RAB3IL1: variants seen among roughly 807,000 people sequenced by gnomAD.
RAB3IL1 encodes the protein guanine nucleotide exchange factor for Rab-3A.
In RAB3IL1, 37 loss-of-function variants were observed where a neutral mutation model predicts 49.2. That is an observed-to-expected ratio of 0.75 (90% CI 0.58 to 0.99). The LOEUF (loss-of-function observed/expected upper bound fraction) is 0.99, where lower values mean the gene tolerates loss of function less well. Among genes scored for constraint, RAB3IL1 ranks in the 50% least tolerant of loss-of-function variants. The pLI, the probability that RAB3IL1 is intolerant of heterozygous loss-of-function variation, is 0.00. For synonymous variants in RAB3IL1, 193 were observed against 213.9 expected (o/e 0.90, Z 0.85); for missense variants, 484 against 513.0 (o/e 0.94, Z 0.55).
At chr11:61,920,371 T>G, upstream of RAB3IL1, 1 of 796,908 alleles carries the variant, frequency 1.3e-6, no homozygotes, top group East Asian at 3.4e-5. Flanking sequence ...CCCGTAATTA[T>G]TAACTCCTGT....
At position 61,906,738 on chromosome 11, in the gene RAB3IL1, C is replaced by T; in HGVS notation, c.439-54G>A. ...TCACCCAGACTGGATGCCATCCTGG[C>T]TGCCACCGCCTATCAGCCTAACTCA... is the stretch of plus-strand genomic sequence containing the variant. On this transcript the variant is annotated intron_variant, in intron 4 of 9. Coordinates refer to ENST00000394836, the MANE Select transcript of RAB3IL1 (RefSeq NM_013401.4). This position sits in a 1 kb window ranked among gnomAD's most constrained non-coding sequence, Gnocchi z 4.6. The T allele has an allele frequency of 1.3e-6, 2 of 1,494,138 alleles. No homozygotes were observed. The highest frequency in any genetic ancestry group is 1.7e-4 in the Middle Eastern group (1 of 5,740). The allele number at this position is 1,494,138 out of a possible 1,614,324, so 92.6% of individuals were successfully genotyped here.
intron 8 of RAB3IL1, chr11:61,899,691 A>G (rs1938806087): frequency 2.8e-6 from 1 of 360,900 alleles, no homozygotes; most frequent in Non-Finnish European, 5.3e-6. Context: ...CATCACGGAG[A>G]TGGCGGAGCT....
At chr11:61,930,181 C>T in the RAB3IL1 span, among the ~76,000 whole-genome samples, 22 of 152,082 alleles carry the variant, frequency 1.4e-4, no homozygotes, top group Admixed American at 1.2e-3. Flanking sequence ...CAGGCATGAG[C>T]CACCACTCCC....
upstream of RAB3IL1, among the ~76,000 whole-genome samples, chr11:61,921,968 C>T (rs113779436): frequency 3.3e-5 from 5 of 151,872 alleles, no homozygotes; most frequent in African/African-American, 1.2e-4. Context: ...GTGGGAGGAT[C>T]GCTTGAGCCC....
chr11:61,897,993 C>T lies in RAB3IL1; in HGVS notation c.*285G>A, dbSNP rs953578635. On this transcript the variant is annotated 3_prime_UTR_variant, in exon 10 of 10. Coordinates refer to ENST00000394836, the MANE Select transcript of RAB3IL1 (RefSeq NM_013401.4). Reference sequence around the variant, plus strand: ...TCCCCTCCCAAGGGCTGAGGCCCCCCGAGTATGGATCCGAGCTCCCTGGTC... The same window carrying T: ...TCCCCTCCCAAGGGCTGAGGCCCCCTGAGTATGGATCCGAGCTCCCTGGTC... The T allele has an allele frequency of 3.0e-5, 12 of 403,068 alleles. No homozygotes were observed. The highest frequency in any genetic ancestry group is 1.2e-4 in the African/African-American group (6 of 48,206). The allele number at this position is 403,068 out of a possible 1,614,324, so 25.0% of individuals were successfully genotyped here.
chr11:61,943,895 G>C, the RAB3IL1 span, among the ~76,000 whole-genome samples: 1 of 152,172 alleles, frequency 6.6e-6, no homozygotes, highest in Non-Finnish European at 1.5e-5. Context: ...AAAAAGACTG[G>C]AAGGAAATAC....
intron 7 of RAB3IL1, among the ~76,000 whole-genome samples, chr11:61,903,566 C>A (rs1037751511): frequency 2.0e-5 from 3 of 151,844 alleles, no homozygotes; most frequent in African/African-American, 7.3e-5. Context: ...CTCTGTCACC[C>A]AGACTGGAGT....
At chr11:61,926,744 G>A in the RAB3IL1 span, among the ~76,000 whole-genome samples, 1 of 151,856 alleles carries the variant, frequency 6.6e-6, no homozygotes, top group South Asian at 2.1e-4. Flanking sequence ...AGTAGAGATG[G>A]GGGTTTCACC....
At chr11:61,930,750 C>T in the RAB3IL1 span, among the ~76,000 whole-genome samples, 108 of 152,246 alleles carry the variant, frequency 7.1e-4, no homozygotes, top group African/African-American at 2.4e-3. Flanking sequence ...TGCACTCAGT[C>T]TGGGCAACAC....
the RAB3IL1 span, among the ~76,000 whole-genome samples, chr11:61,938,494 A>G: frequency 3.8e-4 from 58 of 152,362 alleles, no homozygotes; most frequent in African/African-American, 1.4e-3. Flanking sequence ...AGGGACAAAG[A>G]GAAACATTTT....
intron 5 of RAB3IL1, among the ~76,000 whole-genome samples, chr11:61,905,833 C>T (rs1251819344): frequency 6.6e-6 from 1 of 152,114 alleles, no homozygotes; most frequent in Non-Finnish European, 1.5e-5. Flanking sequence ...TCCAGCAGCC[C>T]CGGGAGGCCC....
chr11:61,916,444 A>G (rs991593712), intron 1 of RAB3IL1, among the ~76,000 whole-genome samples: 1 of 152,000 alleles, frequency 6.6e-6, no homozygotes, highest in Admixed American at 6.5e-5. Flanking sequence ...TCCCTCCCCT[A>G]GCATCGCAGC....
At chr11:61,900,933 T>C (rs991440392) in intron 8 of RAB3IL1, among the ~76,000 whole-genome samples, 14 of 151,592 alleles carry the variant, frequency 9.2e-5, no homozygotes, top group Admixed American at 8.6e-4. Flanking sequence ...CAAGGCTCAG[T>C]GGGCACAAAT....
chr11:61,909,095 G>A (rs537645158), intron 1 of RAB3IL1, among the ~76,000 whole-genome samples: 2 of 152,334 alleles, frequency 1.3e-5, no homozygotes, highest in African/African-American at 2.4e-5. Flanking sequence ...CCCGGCCAGC[G>A]GTGTTTTGTG....
chr11:61,916,358 A>G (rs1939687093), intron 1 of RAB3IL1, among the ~76,000 whole-genome samples: 1 of 151,476 alleles, frequency 6.6e-6, no homozygotes, highest in Non-Finnish European at 1.5e-5. Context: ...AAAAAAAAAA[A>G]GTCCCAAGCC....
At chr11:61,941,983 G>GGC in the RAB3IL1 span, among the ~76,000 whole-genome samples, 1 of 152,078 alleles carries the variant, frequency 6.6e-6, no homozygotes, top group East Asian at 1.9e-4. Context: ...GGCCTAGGCG[G>GGC]GCAGATCACT....
chr11:61,928,994 C>T, the RAB3IL1 span, among the ~76,000 whole-genome samples: 64 of 152,142 alleles, frequency 4.2e-4, no homozygotes, highest in Non-Finnish European at 8.1e-4. Flanking sequence ...AAAGAACACA[C>T]ACAAAATTTA....
chr11:61,921,768 C>A (rs536914259), upstream of RAB3IL1, among the ~76,000 whole-genome samples: 5 of 152,284 alleles, frequency 3.3e-5, no homozygotes, highest in South Asian at 1.0e-3. Flanking sequence ...GGCCCAAATT[C>A]TCATCCTAGT....
At chr11:61,930,687 A>T in the RAB3IL1 span, among the ~76,000 whole-genome samples, 4 of 152,312 alleles carry the variant, frequency 2.6e-5, no homozygotes, top group Non-Finnish European at 4.4e-5. Context: ...CTGAGGCAGG[A>T]GGATCACTTT....
Sources: gnomAD v4.1 joint callset for allele counts (sites outside exome capture counted in the v4.1 genomes callset) on GRCh38, gnomAD v4.1.1 for gene constraint, Gnocchi (gnomAD v3.1) non-coding constraint, MANE v1.5 for transcripts, NCBI Gene and HGNC (gene_info 2026-07-23, HGNC 2026-07-21) for gene names.